CPNE4: variants seen among roughly 807,000 people sequenced by gnomAD.
The protein encoded by CPNE4 is copine-4.
In CPNE4, 25 loss-of-function variants were observed where a neutral mutation model predicts 67.9. The ratio of observed to expected loss-of-function variants is 0.37; its 90% CI spans 0.27 to 0.51. CPNE4 has a LOEUF of 0.51. Ranked by LOEUF, CPNE4 falls within the 20% of genes least tolerant of loss-of-function variation. CPNE4 has a pLI of 0.93. For synonymous variants in CPNE4, 242 were observed against 244.9 expected (o/e 0.99, Z 0.11); for missense variants, 464 against 690.8 (o/e 0.67, Z 3.68).
At chr3:131,803,783 C>T (rs188264865) in intron 2 of CPNE4, among the ~76,000 whole-genome samples, 10 of 152,118 alleles carry the variant, frequency 6.6e-5, no homozygotes, top group Admixed American at 6.5e-5. Flanking sequence ...TATTTAACAA[C>T]GGGGAAATGG....
At chr3:131,575,223 T>C in intron 9 of CPNE4, 93 bp from the exon 10 acceptor site, 1 of 1,027,648 alleles carries the variant, frequency 9.7e-7, no homozygotes, top group Non-Finnish European at 1.5e-6. Context: ...GATAAGCTGC[T>C]AAACCAGAGG....
chr3:131,877,024 C>G (rs2087489107), intron 2 of CPNE4, among the ~76,000 whole-genome samples: 1 of 151,538 alleles, frequency 6.6e-6, no homozygotes, highest in Non-Finnish European at 1.5e-5. Flanking sequence ...TTTCTTGACA[C>G]CAAACCGGCA....
intron 2 of CPNE4, among the ~76,000 whole-genome samples, chr3:131,841,945 T>A (rs1055567552): frequency 1.3e-5 from 2 of 152,126 alleles, no homozygotes; most frequent in Non-Finnish European, 2.9e-5. Context: ...AGAGAGGGTG[T>A]GTGCGTGTGT....
chr3:131,883,803 C>T, intron 2 of CPNE4, among the ~76,000 whole-genome samples: 1 of 152,216 alleles, frequency 6.6e-6, no homozygotes, highest in East Asian at 1.9e-4. Context: ...CATGATGTTG[C>T]ACAGAAGATC....
intron 7 of CPNE4, among the ~76,000 whole-genome samples, chr3:131,599,979 T>G (rs912876357): frequency 2.0e-5 from 3 of 152,096 alleles, no homozygotes; most frequent in African/African-American, 7.2e-5. Context: ...GTGATTTTGA[T>G]GAAACAAGAG....
chr3:131,594,301 C>T (rs537535213), intron 7 of CPNE4, among the ~76,000 whole-genome samples: 3 of 152,208 alleles, frequency 2.0e-5, no homozygotes, highest in East Asian at 1.9e-4. Context: ...TTTTAAAATA[C>T]ATTACAAAGC....
intron 8 of CPNE4, among the ~76,000 whole-genome samples, chr3:131,586,722 CTCTATCTGTCTGTCTG>C (rs1233521768): frequency 1.5e-4 from 22 of 148,484 alleles, no homozygotes; most frequent in South Asian, 1.3e-3. Flanking sequence ...GACTTTCTAT[CTCTATCTGTCTGTCTG>C]TCTGTCTGTC....
At chr3:131,975,485 A>C (rs1470796241) in intron 1 of CPNE4, among the ~76,000 whole-genome samples, 2 of 152,160 alleles carry the variant, frequency 1.3e-5, no homozygotes, top group Admixed American at 1.3e-4. Context: ...TTCTATGAAA[A>C]CATTCTAAAA....
chr3:132,035,047 C>T, upstream of CPNE4: 1 of 985,506 alleles, frequency 1.0e-6, no homozygotes, highest in South Asian at 4.7e-5. Flanking sequence ...CGGCAAGAGA[C>T]TGGTTCCGAA....
chr3:131,562,755 G>A (rs1936840086), intron 11 of CPNE4, among the ~76,000 whole-genome samples: 1 of 151,896 alleles, frequency 6.6e-6, no homozygotes, highest in African/African-American at 2.4e-5. Flanking sequence ...AACCTCTCTA[G>A]GAACCCCCTC....
At chr3:132,006,604 G>A (rs1217545955) in intron 1 of CPNE4, among the ~76,000 whole-genome samples, 1 of 151,416 alleles carries the variant, frequency 6.6e-6, no homozygotes, top group Non-Finnish European at 1.5e-5. Flanking sequence ...ATAAAATTGT[G>A]TTCATTGTTA....
chr3:131,605,562 C>T (rs1186488159), intron 7 of CPNE4, among the ~76,000 whole-genome samples: 7 of 152,090 alleles, frequency 4.6e-5, no homozygotes, highest in African/African-American at 1.7e-4. Context: ...GCAGGCAATT[C>T]AGTGTGAAAT....
chr3:131,866,309 T>C (rs2086948446), intron 2 of CPNE4, among the ~76,000 whole-genome samples: 1 of 152,258 alleles, frequency 6.6e-6, no homozygotes, highest in Admixed American at 6.5e-5. Flanking sequence ...AAGGAAGTTA[T>C]TGGCATTCGT....
rs10662034 is a variant in CPNE4 at position 132,015,515 on chromosome 3, T to TCACA, written c.-2+19048_-2+19051dup. ...CTTCTAATTCCTTAGACATACACAC[T>TCACA]CACACACACACACACCCAACACATA... is the stretch of plus-strand genomic sequence containing the variant. On this transcript the variant is annotated intron_variant, in intron 1 of 15. Transcript: ENST00000429747. 6.9e-4 allele frequency among the ~76,000 whole-genome samples: 104 copies of TCACA among 150,792 alleles called. No homozygotes were observed. The Middle Eastern group carries it at 0.014, about 20-fold the overall frequency.
chr3:131,976,628 G>A (rs566041766), intron 1 of CPNE4, among the ~76,000 whole-genome samples: 1 of 152,072 alleles, frequency 6.6e-6, no homozygotes, highest in Non-Finnish European at 1.5e-5. Flanking sequence ...CATAAAAAAA[G>A]ATCAAGGAAA....
At chr3:131,903,382 C>T (rs1450127902) in intron 2 of CPNE4, among the ~76,000 whole-genome samples, 1 of 151,218 alleles carries the variant, frequency 6.6e-6, no homozygotes, top group Admixed American at 6.6e-5. Context: ...ACAAGGCTTA[C>T]TTAGACTAGG....
intron 2 of CPNE4, among the ~76,000 whole-genome samples, chr3:131,869,446 G>A (rs957742636): frequency 4.6e-5 from 7 of 152,018 alleles, no homozygotes; most frequent in African/African-American, 1.5e-4. Flanking sequence ...TATATGAATG[G>A]CACCTATGAT....
intron 1 of CPNE4, among the ~76,000 whole-genome samples, chr3:131,906,147 T>G (rs1461168651): frequency 6.8e-6 from 1 of 147,184 alleles, no homozygotes; most frequent in African/African-American, 2.4e-5. Flanking sequence ...CAGCTACATT[T>G]AAGCACTGCA....
At chr3:131,595,869 T>C (rs1938812703) in intron 7 of CPNE4, among the ~76,000 whole-genome samples, 1 of 152,116 alleles carries the variant, frequency 6.6e-6, no homozygotes, top group Non-Finnish European at 1.5e-5. Flanking sequence ...TTATGTTAAG[T>C]GAACTAAACC....
Sources: allele counts gnomAD v4.1 joint callset (sites outside exome capture counted in the v4.1 genomes callset), GRCh38; gene constraint gnomAD v4.1.1; transcripts MANE v1.5; gene names NCBI Gene and HGNC (gene_info 2026-07-23, HGNC 2026-07-21).